TUSC3: variants seen among roughly 807,000 people sequenced by gnomAD.
TUSC3 encodes tumor suppressor candidate 3.
A neutral mutation model predicts 44.8 loss-of-function variants in TUSC3; 45 were observed. That is an observed-to-expected ratio of 1.00 (90% CI 0.79 to 1.29). The LOEUF (loss-of-function observed/expected upper bound fraction) is 1.29, where lower values mean the gene tolerates loss of function less well. TUSC3 is among the 50% of genes most tolerant of loss of function. TUSC3 has a pLI of 0.00. For synonymous variants in TUSC3, 212 were observed against 152.9 expected (o/e 1.39, Z -2.85); for missense variants, 519 against 437.9 (o/e 1.19, Z -1.65).
intron 1 of TUSC3, among the ~76,000 whole-genome samples, chr8:15,573,135 T>G (rs1291405231): frequency 3.4e-5 from 5 of 147,970 alleles, no homozygotes; most frequent in Non-Finnish European, 7.4e-5. Flanking sequence ...GTATGTTTGC[T>G]TAACTATTGC....
intron 1 of TUSC3, among the ~76,000 whole-genome samples, chr8:15,589,103 CTGTT>C (rs1585130306): frequency 6.6e-6 from 1 of 152,108 alleles, no homozygotes; most frequent in Non-Finnish European, 1.5e-5. Context: ...AATTTAAAGT[CTGTT>C]TGTCAGATAC....
At chr8:15,555,637 T>G (rs1312251056) in intron 1 of TUSC3, among the ~76,000 whole-genome samples, 2 of 151,648 alleles carry the variant, frequency 1.3e-5, no homozygotes, top group Non-Finnish European at 2.9e-5. Flanking sequence ...TCTCATATTT[T>G]ACTTCGAAGG....
chr8:15,762,274 A>T (rs1812194439), intron 10 of TUSC3, among the ~76,000 whole-genome samples: 1 of 152,058 alleles, frequency 6.6e-6, no homozygotes, highest in Admixed American at 6.6e-5. Flanking sequence ...AAGTACTCTA[A>T]TTGTCCTACA....
At chr8:15,519,505 G>A (rs1289439333) in intron 2 of TUSC3, among the ~76,000 whole-genome samples, 1 of 152,118 alleles carries the variant, frequency 6.6e-6, no homozygotes, top group Non-Finnish European at 1.5e-5. Flanking sequence ...AGCAGGAGGT[G>A]AGTGACAAGC....
At chr8:15,561,843 A>G (rs1179189400) in intron 1 of TUSC3, among the ~76,000 whole-genome samples, 6 of 152,056 alleles carry the variant, frequency 3.9e-5, no homozygotes, top group South Asian at 4.2e-4. Flanking sequence ...AAGTGAGGCA[A>G]TGCCTCGCCC....
intron 2 of TUSC3, among the ~76,000 whole-genome samples, chr8:15,645,378 T>G (rs1347362242): frequency 6.6e-6 from 1 of 152,132 alleles, no homozygotes; most frequent in Non-Finnish European, 1.5e-5. Flanking sequence ...CTCCCTGTCC[T>G]TGCTTGTTGT....
intron 9 of TUSC3, among the ~76,000 whole-genome samples, chr8:15,751,401 A>G (rs1021459764): frequency 1.3e-5 from 2 of 152,152 alleles, no homozygotes; most frequent in African/African-American, 4.8e-5. Flanking sequence ...TTACTGAGTA[A>G]TGTCTTTATA....
the TUSC3 span, among the ~76,000 whole-genome samples, chr8:15,851,743 A>G: frequency 6.6e-6 from 1 of 152,154 alleles, no homozygotes; most frequent in African/African-American, 2.4e-5. Flanking sequence ...TTAGCATTCC[A>G]GTATAAGCTT....
intron 6 of TUSC3, among the ~76,000 whole-genome samples, chr8:15,694,533 G>A (rs1020344663): frequency 6.6e-6 from 1 of 151,488 alleles, no homozygotes; most frequent in African/African-American, 2.4e-5. Context: ...CAGAGTTCTT[G>A]CACTGGATGT....
At chr8:15,508,995 T>C (rs958685199) in intron 2 of TUSC3, among the ~76,000 whole-genome samples, 1 of 151,990 alleles carries the variant, frequency 6.6e-6, no homozygotes. Flanking sequence ...CCTGGTAGAG[T>C]TATAATTCAA....
chr8:15,445,329 T>TA (rs1453510838), intron 1 of TUSC3, among the ~76,000 whole-genome samples: 6 of 151,976 alleles, frequency 3.9e-5, no homozygotes, highest in Non-Finnish European at 7.4e-5. Flanking sequence ...TTTTTTTTTT[T>TA]AGTATTTATT....
At chr8:15,842,358 C>T in the TUSC3 span, among the ~76,000 whole-genome samples, 2 of 152,174 alleles carry the variant, frequency 1.3e-5, no homozygotes, top group East Asian at 3.9e-4. Context: ...ACCTCATATG[C>T]TCACACTGTG....
chr8:15,749,099 T>G lies in TUSC3; in HGVS notation c.1028+634T>G, dbSNP rs1446415615. ...AGGCATATATTCATTCTTGAGCTTTTTCCTCCTTCAAGTTTTCTTAAATAA... is the reference window on the plus strand; with the variant it reads ...AGGCATATATTCATTCTTGAGCTTTGTCCTCCTTCAAGTTTTCTTAAATAA... On this transcript the variant is annotated intron_variant, in intron 9 of 10. Transcript: ENST00000503731. Among the ~76,000 whole-genome samples, 3 of 144,692 alleles carry G rather than the reference T, an allele frequency of 2.1e-5. No homozygotes were observed. In the East Asian group the frequency reaches 6.2e-4, roughly 30 times the overall value. The allele number at this position is 144,692 out of a possible 152,430, so 94.9% of individuals were successfully genotyped here.
Position 15,735,861 on chromosome 8 carries a change from G to A in TUSC3, c.862+5132G>A, listed in dbSNP as rs140237886. Among the ~76,000 whole-genome samples the A allele has an allele frequency of 2.1e-3, 306 of 143,182 alleles. 1 individual carries two copies. The highest frequency in any genetic ancestry group is 0.017 in the Middle Eastern group (5 of 290). 93.9% of individuals were successfully genotyped at this position (143,182 alleles called of 152,430 possible). ...ACTACAGGTGCACGCTGCCACACCC[G>A]GCTAATGGGTTTTTTTTTTTTGTTT... is the stretch of plus-strand genomic sequence containing the variant. On this transcript the variant is annotated intron_variant, in intron 7 of 10. Transcript: ENST00000503731.
At chr8:15,650,073 A>G (rs1806821856) in intron 2 of TUSC3, among the ~76,000 whole-genome samples, 1 of 152,208 alleles carries the variant, frequency 6.6e-6, no homozygotes, top group South Asian at 2.1e-4. Context: ...TTCAAAGTAG[A>G]AACAAATATC....
At position 15,524,703 on chromosome 8, in the gene TUSC3, C is replaced by A. The variant is rs139762602; in HGVS notation, n.189+41220C>A. Among the ~76,000 whole-genome samples the A allele has an allele frequency of 3.9e-5, 6 of 152,260 alleles. No individual in the cohort carries two copies. The East Asian group carries it at 9.7e-4, about 25-fold the overall frequency. On this transcript the variant is annotated intron_variant and non_coding_transcript_variant, in intron 2 of 5. Transcript: ENST00000503191. ...CCAATGGAGAACCTATTTTTAGACA[C>A]CCAAACCTAAAGTTCATGCTCTGGT...
At chr8:15,723,459 T>C (rs1028707061) in intron 6 of TUSC3, among the ~76,000 whole-genome samples, 1 of 152,196 alleles carries the variant, frequency 6.6e-6, no homozygotes, top group African/African-American at 2.4e-5. Context: ...GCACAAGATA[T>C]GTGCAGCCTC....
chr8:15,513,310 C>A (rs1801167637), intron 2 of TUSC3, among the ~76,000 whole-genome samples: 1 of 151,986 alleles, frequency 6.6e-6, no homozygotes, highest in Admixed American at 6.5e-5. Context: ...AAAACTTACT[C>A]ATAAAAAATA....
intron 9 of TUSC3, among the ~76,000 whole-genome samples, chr8:15,754,695 A>G (rs1196375709): frequency 1.3e-5 from 2 of 151,996 alleles, no homozygotes; most frequent in African/African-American, 4.8e-5. Flanking sequence ...TTCGTTTTGC[A>G]TTTTTGTGAA....
Sources: gnomAD v4.1 joint callset for allele counts (sites outside exome capture counted in the v4.1 genomes callset) on GRCh38, gnomAD v4.1.1 for gene constraint, MANE v1.5 for transcripts, NCBI Gene and HGNC (gene_info 2026-07-23, HGNC 2026-07-21) for gene names.